ARHGAP32: variants seen among roughly 807,000 people sequenced by gnomAD.
ARHGAP32 encodes Rho GTPase activating protein 32.
Under a neutral mutation model 186.5 loss-of-function variants are expected in ARHGAP32, and 51 were observed. That is an observed-to-expected ratio of 0.27 (90% CI 0.22 to 0.35). The LOEUF (loss-of-function observed/expected upper bound fraction) is 0.35. ARHGAP32 is among the 10% of genes least tolerant of loss of function. The pLI is 1.00. For missense variants in ARHGAP32, 2,186 were observed against 2,623.5 expected (o/e 0.83, Z 3.64); for synonymous variants, 950 against 964.3 (o/e 0.99, Z 0.27).
At position 128,998,303 on chromosome 11, in the gene ARHGAP32, C is replaced by T; in HGVS notation, c.1195+16G>A. The T allele has an allele frequency of 6.4e-7, 1 of 1,551,724 alleles. No homozygotes were observed. The highest frequency in any genetic ancestry group is 8.7e-7 in the Non-Finnish European group (1 of 1,145,518). The stretch of plus-strand genomic sequence containing the variant: ...GTCAGAAACTCAGAGTATAAGCTTG[C>T]ACATTTTATTTTTACCTTCAAAACC... On this transcript the variant is annotated intron_variant, in intron 12 of 22. Coordinates refer to ENST00000682385, the MANE Select transcript of ARHGAP32 (RefSeq NM_001378024.1).
chr11:129,271,032 T>C (rs1232700379), intron 1 of ARHGAP32, among the ~76,000 whole-genome samples: 1 of 152,174 alleles, frequency 6.6e-6, no homozygotes, highest in Non-Finnish European at 1.5e-5. Context: ...ACCACTGATA[T>C]GGAGCCTCAT....
intron 1 of ARHGAP32, 90 bp downstream of exon 1, chr11:129,191,993 G>T: frequency 1.0e-6 from 1 of 979,994 alleles, no homozygotes; most frequent in Non-Finnish European, 1.6e-6. Flanking sequence ...AAGTCTTATT[G>T]GAAAAAAGAC....
At chr11:129,162,636 C>T (rs930647149) in intron 2 of ARHGAP32, among the ~76,000 whole-genome samples, 3 of 152,148 alleles carry the variant, frequency 2.0e-5, no homozygotes, top group African/African-American at 4.8e-5. Context: ...GTGTGGAATA[C>T]AAAAAGGCTT....
intron 6 of ARHGAP32, among the ~76,000 whole-genome samples, chr11:129,080,356 A>G (rs1941184632): frequency 6.6e-6 from 1 of 152,164 alleles, no homozygotes; most frequent in African/African-American, 2.4e-5. Context: ...ATAGGCCACA[A>G]AACAAATCTC....
At chr11:129,173,997 G>C (rs1051462551) in intron 1 of ARHGAP32, among the ~76,000 whole-genome samples, 1 of 152,252 alleles carries the variant, frequency 6.6e-6, no homozygotes, top group Non-Finnish European at 1.5e-5. Flanking sequence ...CGACGCAGAA[G>C]ACGGGTGATT....
In ARHGAP32 at chr11:128,981,939, G is replaced by A. The variant is rs1431112497; in HGVS notation, c.1527-3C>T. ...GTCTCATCAGGAACTCCAGTGTTCT[G>A]GAAATAAAATACAACATATTAACAG... On this transcript the variant is annotated splice_polypyrimidine_tract_variant and splice_region_variant and intron_variant, in intron 15 of 22. Coordinates refer to ENST00000682385, the MANE Select transcript of ARHGAP32 (RefSeq NM_001378024.1). 1 of 1,569,792 alleles carries A rather than the reference G, an allele frequency of 6.4e-7. No individual in the cohort carries two copies. Among genetic ancestry groups the A allele is most frequent in the Admixed American group, 1.7e-5 (1 of 58,168 alleles).
intron 2 of ARHGAP32, among the ~76,000 whole-genome samples, chr11:129,133,205 T>C (rs1358673230): frequency 6.6e-6 from 1 of 152,106 alleles, no homozygotes; most frequent in African/African-American, 2.4e-5. Flanking sequence ...CAAAAAATCA[T>C]GCAATCTGAA....
At chr11:129,140,870 C>T (rs1016224006) in intron 2 of ARHGAP32, among the ~76,000 whole-genome samples, 2 of 152,206 alleles carry the variant, frequency 1.3e-5, no homozygotes, top group African/African-American at 4.8e-5. Flanking sequence ...ACTCTTTCCC[C>T]CTAAAGGGAG....
chr11:129,087,705 C>A (rs1381811128), intron 6 of ARHGAP32, among the ~76,000 whole-genome samples: 1 of 152,124 alleles, frequency 6.6e-6, no homozygotes, highest in Non-Finnish European at 1.5e-5. Context: ...ATATACACCT[C>A]CAAGAGTAAA....
At chr11:129,067,511 G>A (rs1403888231) in intron 6 of ARHGAP32, among the ~76,000 whole-genome samples, 1 of 151,912 alleles carries the variant, frequency 6.6e-6, no homozygotes, top group Non-Finnish European at 1.5e-5. Flanking sequence ...CCAAGCTTCA[G>A]TAAGAACCAT....
intron 1 of ARHGAP32, among the ~76,000 whole-genome samples, chr11:129,185,663 C>A (rs560654622): frequency 1.3e-5 from 2 of 152,018 alleles, no homozygotes; most frequent in Non-Finnish European, 1.5e-5. Flanking sequence ...ATTAAACTGA[C>A]GGAGGCAGAA....
At chr11:129,233,964 G>T (rs1290553970) in intron 1 of ARHGAP32, among the ~76,000 whole-genome samples, 1 of 151,842 alleles carries the variant, frequency 6.6e-6, no homozygotes, top group East Asian at 1.9e-4. Flanking sequence ...AAAAAGAAAG[G>T]AAAATAATAT....
chr11:129,051,510 A>C (rs1378538676), intron 10 of ARHGAP32, among the ~76,000 whole-genome samples: 1 of 152,200 alleles, frequency 6.6e-6, no homozygotes, highest in Non-Finnish European at 1.5e-5. Context: ...AAATTTGTTT[A>C]AGAGCAGAAG....
intron 1 of ARHGAP32, among the ~76,000 whole-genome samples, chr11:129,170,335 T>G (rs1272852901): frequency 2.7e-5 from 4 of 149,504 alleles, no homozygotes; most frequent in Non-Finnish European, 5.9e-5. Context: ...CCCCTCACCC[T>G]CCACCCCACA....
chr11:129,234,001 T>C (rs1356878737), intron 1 of ARHGAP32, among the ~76,000 whole-genome samples: 1 of 152,072 alleles, frequency 6.6e-6, no homozygotes, highest in African/African-American at 2.4e-5. Flanking sequence ...TAATATTTCA[T>C]TTTAAAAAAA....
At chr11:129,198,931 G>C (rs1385383871) in intron 1 of ARHGAP32, among the ~76,000 whole-genome samples, 1 of 152,158 alleles carries the variant, frequency 6.6e-6, no homozygotes, top group African/African-American at 2.4e-5. Flanking sequence ...CATGGACAAT[G>C]AAATCCAGGC....
At chr11:128,986,484 G>A (rs948455885) in intron 14 of ARHGAP32, 40 bp downstream of exon 14, 47 of 1,606,366 alleles carry the variant, frequency 2.9e-5, no homozygotes, top group Non-Finnish European at 3.8e-5. Flanking sequence ...GCACAGCAAA[G>A]TTCCACAAAG....
Position 129,093,712 on chromosome 11 carries a change from A to C in ARHGAP32, c.445-5T>G. On this transcript the variant is annotated splice_region_variant and splice_polypyrimidine_tract_variant and intron_variant, in intron 5 of 22. Coordinates refer to ENST00000682385, the MANE Select transcript of ARHGAP32 (RefSeq NM_001378024.1). Reference sequence around the variant, plus strand: ...CTGTTCTTCTGAAAGTGAAAGCTACATCACAGAAAAAAAAGAAGAGGGGGA... The same window carrying C: ...CTGTTCTTCTGAAAGTGAAAGCTACCTCACAGAAAAAAAAGAAGAGGGGGA... 6.4e-7 allele frequency: 1 copy of C among 1,574,594 alleles called. No homozygotes were observed. Among genetic ancestry groups the C allele is most frequent in the Non-Finnish European group, 8.6e-7 (1 of 1,156,802 alleles).
upstream of ARHGAP32, among the ~76,000 whole-genome samples, chr11:129,194,530 C>CA (rs1303172755): frequency 1.3e-5 from 2 of 152,050 alleles, no homozygotes; most frequent in Non-Finnish European, 2.9e-5. Flanking sequence ...GCTATGCTGC[C>CA]ATCTGTGTTT....
Sources: allele counts gnomAD v4.1 joint callset (sites outside exome capture counted in the v4.1 genomes callset), GRCh38; gene constraint gnomAD v4.1.1; transcripts MANE v1.5; gene names NCBI Gene and HGNC (gene_info 2026-07-23, HGNC 2026-07-21).